Variants in UBE2R2 observed in about 807,000 individuals in gnomAD.
UBE2R2 encodes the protein ubiquitin conjugating enzyme E2 R2.
Under a neutral mutation model 27.8 loss-of-function variants are expected in UBE2R2, and 1 was observed. That is an observed-to-expected ratio of 0.04 (90% CI 0.01 to 0.17). The LOEUF (loss-of-function observed/expected upper bound fraction) is 0.17. UBE2R2 is among the 10% of genes least tolerant of loss of function. The probability of loss-of-function intolerance (pLI) is 1.00; values close to 1 mark genes in which losing one functional copy is unlikely to be tolerated. For missense variants in UBE2R2, 100 were observed against 291.0 expected (o/e 0.34, Z 4.78); for synonymous variants, 106 against 113.3 (o/e 0.94, Z 0.41).
At chr9:33,896,006 C>T (rs1461426330) in intron 2 of UBE2R2, among the ~76,000 whole-genome samples, 1 of 151,938 alleles carries the variant, frequency 6.6e-6, no homozygotes, top group Admixed American at 6.6e-5. Flanking sequence ...CTCCTGGCCT[C>T]AAGTGATCTG....
At chr9:33,860,942 T>TG (rs1554673680) in intron 1 of UBE2R2, among the ~76,000 whole-genome samples, 1 of 150,546 alleles carries the variant, frequency 6.6e-6, no homozygotes, top group Non-Finnish European at 1.5e-5. Context: ...TTAAGTTTTT[T>TG]TTTGTTTGTT....
At chr9:33,833,066 T>G (rs1392384563) in intron 1 of UBE2R2, among the ~76,000 whole-genome samples, 1 of 152,206 alleles carries the variant, frequency 6.6e-6, no homozygotes, top group South Asian at 2.1e-4. Flanking sequence ...TTGAAAATTA[T>G]GAGGTTTTTC....
intron 2 of UBE2R2, among the ~76,000 whole-genome samples, chr9:33,891,054 T>TG (rs1821971623): frequency 7.1e-6 from 1 of 141,600 alleles, no homozygotes; most frequent in Non-Finnish European, 1.6e-5. Flanking sequence ...TGTGTTTTTT[T>TG]GTTTTTTTTT....
intron 1 of UBE2R2, among the ~76,000 whole-genome samples, chr9:33,830,144 T>C (rs1478340095): frequency 2.1e-5 from 3 of 145,732 alleles, no homozygotes; most frequent in African/African-American, 7.5e-5. Flanking sequence ...GCATTTGGAT[T>C]TCCAAGTTTC....
chr9:33,897,212 A>G (rs1822131109), intron 2 of UBE2R2, among the ~76,000 whole-genome samples: 1 of 142,654 alleles, frequency 7.0e-6, no homozygotes, highest in Admixed American at 7.0e-5. Context: ...AATTTTTTGT[A>G]TTTTTAGTAG....
At chr9:33,873,672 G>A (rs1026016805) in intron 1 of UBE2R2, among the ~76,000 whole-genome samples, 1 of 152,046 alleles carries the variant, frequency 6.6e-6, no homozygotes, top group Non-Finnish European at 1.5e-5. Context: ...GCCAGGTCTC[G>A]CTCTGTCACA....
intron 1 of UBE2R2, among the ~76,000 whole-genome samples, chr9:33,837,001 G>A (rs1820628276): frequency 6.6e-6 from 1 of 151,966 alleles, no homozygotes; most frequent in Non-Finnish European, 1.5e-5. Flanking sequence ...TTTTTCTTCT[G>A]GAAGTTTGCA....
intron 1 of UBE2R2, among the ~76,000 whole-genome samples, chr9:33,859,760 T>TGTGTG (rs1050536157): frequency 7.7e-6 from 1 of 130,614 alleles, no homozygotes; most frequent in East Asian, 2.9e-4. Context: ...TCTAAGCCTT[T>TGTGTG]TGTGTGTGTG....
intron 1 of UBE2R2, among the ~76,000 whole-genome samples, chr9:33,819,176 G>A (rs940544288): frequency 9.2e-5 from 14 of 151,978 alleles, no homozygotes; most frequent in African/African-American, 3.1e-4. Context: ...TGGAAGGGAG[G>A]GGTTATCTTG....
chr9:33,891,765 A>C (rs1445525032), intron 2 of UBE2R2, among the ~76,000 whole-genome samples: 2 of 152,074 alleles, frequency 1.3e-5, no homozygotes, highest in Admixed American at 6.5e-5. Flanking sequence ...GTGTTACATG[A>C]GTGGATTTAT....
chr9:33,905,019 G>T (rs1401004039), intron 3 of UBE2R2, among the ~76,000 whole-genome samples: 2 of 152,124 alleles, frequency 1.3e-5, no homozygotes, highest in Non-Finnish European at 2.9e-5. Flanking sequence ...GGTAGGGTGG[G>T]AGTGGGAGTA....
chr9:33,878,221 C>T (rs935781937), intron 1 of UBE2R2, among the ~76,000 whole-genome samples: 2 of 152,166 alleles, frequency 1.3e-5, no homozygotes, highest in East Asian at 1.9e-4. Flanking sequence ...CAATACGCAG[C>T]GGCTCACATC....
chr9:33,878,495 G>A (rs758940902), intron 1 of UBE2R2, among the ~76,000 whole-genome samples: 50 of 152,160 alleles, frequency 3.3e-4, no homozygotes, highest in Non-Finnish European at 6.2e-4. Context: ...GTGCACGTCT[G>A]TAGTCCCAGT....
chr9:33,829,932 G>A (rs1480108639), intron 1 of UBE2R2, among the ~76,000 whole-genome samples: 2 of 151,474 alleles, frequency 1.3e-5, no homozygotes, highest in African/African-American at 4.9e-5. Context: ...CGAGTAGCAA[G>A]GACTATAGGC....
chr9:33,836,083 C>T (rs776755797), intron 1 of UBE2R2, among the ~76,000 whole-genome samples: 1 of 152,164 alleles, frequency 6.6e-6, no homozygotes, highest in Non-Finnish European at 1.5e-5. Context: ...GCAGATGGAT[C>T]ACCTGAGGTC....
intron 1 of UBE2R2, among the ~76,000 whole-genome samples, chr9:33,859,670 A>G (rs1182163904): frequency 6.6e-6 from 1 of 151,966 alleles, no homozygotes; most frequent in Admixed American, 6.6e-5. Flanking sequence ...TTTGTTTTTC[A>G]GAATAATTTT....
intron 2 of UBE2R2, 26 bp downstream of exon 2, chr9:33,886,993 C>T (rs575833918): frequency 1.3e-6 from 2 of 1,561,150 alleles, no homozygotes; most frequent in Admixed American, 4.2e-5. Flanking sequence ...TCATAAATTT[C>T]TCTGAAGATT....
intron 1 of UBE2R2, among the ~76,000 whole-genome samples, chr9:33,857,720 G>A (rs915257307): frequency 6.6e-6 from 1 of 152,228 alleles, no homozygotes; most frequent in African/African-American, 2.4e-5. Flanking sequence ...GAATAATGTA[G>A]CTGTGTGTGT....
At chr9:33,865,421 C>T (rs1821339712) in intron 1 of UBE2R2, among the ~76,000 whole-genome samples, 1 of 151,972 alleles carries the variant, frequency 6.6e-6, no homozygotes, top group African/African-American at 2.4e-5. Context: ...TTGTCTTGAT[C>T]TCCTGACCTC....
Sources: allele counts gnomAD v4.1 joint callset (sites outside exome capture counted in the v4.1 genomes callset), GRCh38; gene constraint gnomAD v4.1.1; transcripts MANE v1.5; gene names NCBI Gene and HGNC (gene_info 2026-07-23, HGNC 2026-07-21).